PPP1R15A: variants seen among roughly 807,000 people sequenced by gnomAD.
The protein encoded by PPP1R15A is growth arrest and DNA damage-inducible protein GADD34.
PPP1R15A carries 43 observed loss-of-function variants against 48.5 expected under a neutral mutation model. The ratio of observed to expected loss-of-function variants is 0.89; its 90% confidence interval spans 0.69 to 1.14. The LOEUF (loss-of-function observed/expected upper bound fraction) is 1.14, where lower values mean the gene tolerates loss of function less well. PPP1R15A is among the 50% of genes most tolerant of loss of function. The probability of loss-of-function intolerance (pLI) is 0.00; values close to 1 mark genes in which losing one functional copy is unlikely to be tolerated. For missense variants in PPP1R15A, 868 were observed against 847.2 expected, an observed-to-expected ratio of 1.02 and a Z score of -0.30; for synonymous variants, 327 against 327.4, an observed-to-expected ratio of 1.00 and a Z score of 0.01.
Position 48,874,238 on chromosome 19 carries a change from A to C in PPP1R15A, c.1005A>C (p.Pro335=). Residue 335 remains proline (P), a synonymous_variant, in exon 2 of 3, where the codon CCA becomes CCC. Coordinates refer to ENST00000200453, the MANE Select transcript of PPP1R15A (RefSeq NM_014330.5). The part of the protein sequence containing the change: ...EAECPPCIPP[P]SAFLKAWVYW... ...AGTGTCCTCCCTGCATCCCCCCACCAAGTGCCTTCCTGAAGGCCTGGGTGT... is the reference window on the plus strand; with the variant it reads ...AGTGTCCTCCCTGCATCCCCCCACCCAGTGCCTTCCTGAAGGCCTGGGTGT... The C allele has an allele frequency of 3.1e-6, 5 of 1,614,138 alleles. No individual in the cohort carries two copies. Among genetic ancestry groups the C allele is most frequent in the African/African-American group, 1.3e-5 (1 of 75,022 alleles).
In PPP1R15A at chr19:48,874,868, G is replaced by A. The variant is rs376245715; in HGVS notation, c.1635G>A (p.Pro545=). ...GCCCAGAAACCCCTACTCATGATCC[G>A]GACCCTGAGACTCCCCTAAAGGCCA... ...LKRPETPTHD[P]DPETPLKARK... is the part of the protein sequence containing the mutation. Residue 545 remains proline, a synonymous_variant, in exon 2 of 3, where the codon CCG becomes CCA. Coordinates refer to ENST00000200453, the MANE Select transcript of PPP1R15A (RefSeq NM_014330.5). 42 of 1,595,812 alleles carry A rather than the reference G, an allele frequency of 2.6e-5. No homozygotes were observed. The highest frequency in any genetic ancestry group is 1.6e-4 in the Admixed American group (9 of 56,186).
Position 48,874,157 on chromosome 19 carries a change from TGAA to T in PPP1R15A, c.927_929del (p.Glu311del), listed in dbSNP as rs762271058. The T allele has an allele frequency of 1.0e-4, 161 of 1,614,106 alleles. 1 individual carries two copies. The African/African-American group carries it at 1.9e-3, about 19-fold the overall frequency. On this transcript the variant is annotated inframe_deletion, in exon 2 of 3. Transcript: ENST00000200453. ...AGTCCTGGTGGTGCCAACCCAGTGATGAAGAGGAGGGTGAGGTCAAGGCTTTGG... is the reference window on the plus strand; with the variant it reads ...AGTCCTGGTGGTGCCAACCCAGTGATGAGGAGGGTGAGGTCAAGGCTTTGG...
rs2037031364 is a variant in PPP1R15A at position 48,873,309 on chromosome 19, A to G, written c.76A>G (p.Met26Val). ...AHPFFLLSPV[M>V]GLLSRAWSRL... ...CCCTTTCTTCCTCCTGTCCCCAGTGATGGGCCTCCTCAGCCGCGCCTGGAG... is the reference window on the plus strand; with the variant it reads ...CCCTTTCTTCCTCCTGTCCCCAGTGGTGGGCCTCCTCAGCCGCGCCTGGAG... The change falls in exon 2 of 3, where the codon ATG becomes GTG. Residue 26 changes from methionine (M) to valine (V), a missense_variant. Transcript: ENST00000200453. 1.2e-6 allele frequency: 2 copies of G among 1,602,614 alleles called. No individual in the cohort carries two copies. The highest frequency in any genetic ancestry group is 1.3e-5 in the African/African-American group (1 of 74,088).
chr19:48,875,016 G>A (rs144731567), intron 2 of PPP1R15A, 118 bp downstream of exon 2: 19,824 of 1,248,788 alleles, frequency 0.016, 196 homozygotes, highest in Non-Finnish European at 0.018. Context: ...AACCTCTGCC[G>A]CCCAAGTTCA....
rs538298636 is a variant in PPP1R15A at position 48,875,707 on chromosome 19, C to G, written c.1759C>G (p.Arg587Gly). ...CCAGGGCCCCTGGGAGCAGCTTGCT[C>G]GGGATCGCAGCCGCTTCGCACGCCG... ...ARQGPWEQLA[R>G]DRSRFARRIT... Residue 587 changes from arginine (R) to glycine (G), a missense_variant, in exon 3 of 3, where the codon CGG becomes GGG. By Grantham distance (125) the Arg-to-Gly change is moderately radical. Transcript: ENST00000200453. 2 of 1,612,532 alleles carry G rather than the reference C, an allele frequency of 1.2e-6. No individual in the cohort carries two copies. Among genetic ancestry groups the G allele is most frequent in the South Asian group, 1.1e-5 (1 of 91,008 alleles).
Position 48,875,710 on chromosome 19 carries a change from G to T in PPP1R15A, c.1762G>T (p.Asp588Tyr). 2 of 1,612,578 alleles carry T rather than the reference G, an allele frequency of 1.2e-6. No homozygotes were observed. Among genetic ancestry groups the T allele is most frequent in the Non-Finnish European group, 1.7e-6 (2 of 1,179,408 alleles). The change falls in exon 3 of 3, where the codon GAT becomes TAT. Residue 588 changes from aspartate (D) to tyrosine (Y), a missense_variant. By Grantham distance (160) the Asp-to-Tyr change is radical. Coordinates refer to ENST00000200453, the MANE Select transcript of PPP1R15A (RefSeq NM_014330.5). ...GGGCCCCTGGGAGCAGCTTGCTCGG[G>T]ATCGCAGCCGCTTCGCACGCCGCAT... The part of the protein sequence containing the change: ...RQGPWEQLAR[D>Y]RSRFARRITQ...
chr19:48,874,224 T>A lies in PPP1R15A; in HGVS notation c.991T>A (p.Cys331Ser). The change falls in exon 2 of 3, where the codon TGC (cysteine) becomes AGC (serine). Residue 331 changes from cysteine to serine, a missense_variant. Physicochemically the swap from Cys to Ser is moderately radical, Grantham distance 112 (BLOSUM62 -1). Transcript: ENST00000200453. Reference sequence around the variant, plus strand: ...GGATGGAGAAGCTGAGTGTCCTCCCTGCATCCCCCCACCAAGTGCCTTCCT... The same window carrying A: ...GGATGGAGAAGCTGAGTGTCCTCCCAGCATCCCCCCACCAAGTGCCTTCCT... ...EKDGEAECPP[C>S]IPPPSAFLKA... The A allele has an allele frequency of 6.2e-7, 1 of 1,614,142 alleles. No individual in the cohort carries two copies. Among genetic ancestry groups the A allele is most frequent in the Non-Finnish European group, 8.5e-7 (1 of 1,180,018 alleles).
chr19:48,873,203 T>C, intron 1 of PPP1R15A, 22 bp from the exon 2 acceptor site: 1 of 1,460,280 alleles, frequency 6.8e-7, no homozygotes, highest in Non-Finnish European at 9.1e-7. Flanking sequence ...CTAAACTTTA[T>C]TTTTTTCTCC....
chr19:48,873,824 A>G lies in PPP1R15A; in HGVS notation c.591A>G (p.Glu197=). Reference sequence around the variant, plus strand: ...CCGTGGAGGAGGAGGACGATGAAGAAGCTGTAAAGAAAGAAGCTCACAGAA... The same window carrying G: ...CCGTGGAGGAGGAGGACGATGAAGAGGCTGTAAAGAAAGAAGCTCACAGAA... ...CPAVEEEDDE[E]AVKKEAHRTS... The change falls in exon 2 of 3, where the codon GAA becomes GAG. Residue 197 remains glutamate (E), a synonymous_variant. Transcript: ENST00000200453. 1.9e-6 allele frequency: 3 copies of G among 1,614,072 alleles called. No individual in the cohort carries two copies. The highest frequency in any genetic ancestry group is 2.5e-6 in the Non-Finnish European group (3 of 1,179,988).
In PPP1R15A at chr19:48,873,461, C is replaced by A; in HGVS notation, c.228C>A (p.Gly76=). 6.2e-7 allele frequency: 1 copy of A among 1,613,664 alleles called. No homozygotes were observed. The highest frequency in any genetic ancestry group is 8.5e-7 in the Non-Finnish European group (1 of 1,179,734). ...TPLAIPHTPW[G]RRPEEEAEDS... ...TGGCAATCCCCCATACCCCTTGGGG[C>A]AGACGCCCTGAAGAGGAGGCTGAAG... The change falls in exon 2 of 3, where the codon GGC becomes GGA. Residue 76 remains glycine, a synonymous_variant. Transcript: ENST00000200453.
At position 48,875,765 on chromosome 19, in the gene PPP1R15A, G is replaced by C; in HGVS notation, c.1817G>C (p.Cys606Ser). The C allele has an allele frequency of 6.2e-7, 1 of 1,613,538 alleles. No individual in the cohort carries two copies. Among genetic ancestry groups the C allele is most frequent in the Non-Finnish European group, 8.5e-7 (1 of 1,179,632 alleles). ...CAGGCCCAGGAGGAGCTGAGCCCCT[G>C]CCTCACCCCTGCTGCCCGGGCCAGA... The part of the protein sequence containing the change: ...ITQAQEELSP[C>S]LTPAARARAW... Residue 606 changes from cysteine to serine, a missense_variant, in exon 3 of 3, where the codon TGC (cysteine) becomes TCC (serine). Coordinates refer to ENST00000200453, the MANE Select transcript of PPP1R15A (RefSeq NM_014330.5).
rs368067897 is a variant in PPP1R15A, at chr19:48,874,613, C to T, written c.1380C>T (p.Ala460=). 7.4e-6 allele frequency: 12 copies of T among 1,613,978 alleles called. No homozygotes were observed. Among genetic ancestry groups the T allele is most frequent in the Non-Finnish European group, 1.0e-5 (12 of 1,180,014 alleles). The change falls in exon 2 of 3, where the codon GCC becomes GCT. Residue 460 remains alanine, a synonymous_variant. Transcript: ENST00000200453. ...ATAAGGAAGATGATTCAGAAGCAGC[C>T]TTGGGAGAAGCTGAGTCAGACCCAC... ...SEDKEDDSEA[A]LGEAESDPHP...
Position 48,874,401 on chromosome 19 carries a change from G to A in PPP1R15A, c.1168G>A (p.Val390Ile). The A allele has an allele frequency of 1.2e-6, 2 of 1,614,112 alleles. No individual in the cohort carries two copies. The highest frequency in any genetic ancestry group is 8.5e-7 in the Non-Finnish European group (1 of 1,180,014). Residue 390 changes from valine (V) to isoleucine (I), a missense_variant, in exon 2 of 3, where the codon GTC (valine) becomes ATC (isoleucine). By Grantham distance (29) the Val-to-Ile change is conservative (BLOSUM62 3). Coordinates refer to ENST00000200453, the MANE Select transcript of PPP1R15A (RefSeq NM_014330.5). ...PATGVFLKSW[V>I]YQPGEDTEEE... ...TACAGGTGTCTTCTTGAAGTCCTGG[G>A]TCTATCAGCCAGGAGAGGACACAGA...
chr19:48,874,985 G>A (rs1470156801), intron 2 of PPP1R15A, 87 bp downstream of exon 2: 15 of 1,396,784 alleles, frequency 1.1e-5, no homozygotes, highest in Non-Finnish European at 1.4e-5. Context: ...GAGTGCAGCG[G>A]CATGATCTTG....
rs2123249934 is a variant in PPP1R15A at position 48,874,851 on chromosome 19, A to G, written c.1618A>G (p.Thr540Ala). The G allele has an allele frequency of 3.1e-6, 5 of 1,607,764 alleles. No homozygotes were observed. Among genetic ancestry groups the G allele is most frequent in the East Asian group, 2.2e-5 (1 of 44,814 alleles). Residue 540 changes from threonine to alanine, a missense_variant, in exon 2 of 3, where the codon ACC becomes GCC. Coordinates refer to ENST00000200453, the MANE Select transcript of PPP1R15A (RefSeq NM_014330.5). ...RLQRRLKRPE[T>A]PTHDPDPETP... The stretch of plus-strand genomic sequence containing the variant: ...GCAAAGGCGGCTCAAGCGCCCAGAA[A>G]CCCCTACTCATGATCCGGACCCTGA...
At chr19:48,875,217 T>C (rs1320137193) in intron 2 of PPP1R15A, 3 of 327,608 alleles carry the variant, frequency 9.2e-6, no homozygotes, top group Non-Finnish European at 1.7e-5. Context: ...AGGCGTGAGC[T>C]ACCACATCTG....
intron 2 of PPP1R15A, 56 bp downstream of exon 2, chr19:48,874,954 C>T: frequency 4.2e-6 from 6 of 1,441,548 alleles, no homozygotes; most frequent in Non-Finnish European, 5.4e-6. Flanking sequence ...GAGTTGGAGT[C>T]TTGGGCTGTC....
chr19:48,873,815 C>G lies in PPP1R15A; in HGVS notation c.582C>G (p.Asp194Glu). The G allele has an allele frequency of 6.2e-7, 1 of 1,613,890 alleles. No homozygotes were observed. ...RECCPAVEEEDDEEAVKKEAH... is the reference protein window; with the variant it reads ...RECCPAVEEEEDEEAVKKEAH... ...GTTGTCCAGCCGTGGAGGAGGAGGA[C>G]GATGAAGAAGCTGTAAAGAAAGAAG... The change falls in exon 2 of 3, where the codon GAC becomes GAG. Residue 194 changes from aspartate (D) to glutamate (E), a missense_variant. Physicochemically the swap from Asp to Glu is conservative, Grantham distance 45. Transcript: ENST00000200453.
chr19:48,874,387 T>G lies in PPP1R15A; in HGVS notation c.1154T>G (p.Phe385Cys). 1.2e-6 allele frequency: 2 copies of G among 1,613,724 alleles called. No individual in the cohort carries two copies. The highest frequency in any genetic ancestry group is 1.7e-6 in the Non-Finnish European group (2 of 1,179,948). Residue 385 changes from phenylalanine (F) to cysteine (C), a missense_variant, in exon 2 of 3, where the codon TTC becomes TGC. Physicochemically the swap from Phe to Cys is radical, Grantham distance 205 (BLOSUM62 -2). Coordinates refer to ENST00000200453, the MANE Select transcript of PPP1R15A (RefSeq NM_014330.5). ...ASSSTPATGV[F>C]LKSWVYQPGE... The stretch of plus-strand genomic sequence containing the variant: ...TCTTCCACTCCTGCTACAGGTGTCT[T>G]CTTGAAGTCCTGGGTCTATCAGCCA...
Sources: gnomAD v4.1 joint callset for allele counts on GRCh38, gnomAD v4.1.1 for gene constraint, MANE v1.5 for transcripts, NCBI Gene and HGNC (gene_info 2026-07-23, HGNC 2026-07-21) for gene names.